The following RAB30 variants were observed in gnomAD, a reference collection of about 807,000 sequenced individuals.
RAB30 encodes RAB30, member RAS oncogene family.
RAB30 carries 9 observed loss-of-function variants against 25.1 expected under a neutral mutation model. The ratio of observed to expected loss-of-function variants is 0.36; its 90% CI spans 0.22 to 0.63. RAB30 has a LOEUF of 0.63. Among genes scored for constraint, RAB30 ranks in the 20% least tolerant of loss-of-function variants. The pLI is 0.69. For missense variants in RAB30, 140 were observed against 243.5 expected, an observed-to-expected ratio of 0.58 and a Z score of 2.83; for synonymous variants, 77 against 86.4, an observed-to-expected ratio of 0.89 and a Z score of 0.60.
rs973513022 is a variant in RAB30, at chr11:82,983,739, A to G, written c.362-1324T>C. ...AATTGAGCCACCGAGCCGGGCCAAC[A>G]GAGTAACTATTTCAAGGTGCTTAAG... On this transcript the variant is annotated intron_variant, in intron 4 of 4. Transcript: ENST00000527633. Among the ~76,000 whole-genome samples the G allele has an allele frequency of 3.3e-5, 5 of 152,048 alleles. 1 individual carries two copies. The highest frequency in any genetic ancestry group is 1.2e-4 in the African/African-American group (5 of 41,424).
intron 1 of RAB30, chr11:83,039,002 T>C (rs992150827): frequency 2.6e-5 from 4 of 152,080 alleles, no homozygotes; most frequent in African/African-American, 7.2e-5. Context: ...TTTCTAAAGG[T>C]AAAGTAACTT....
intron 1 of RAB30, among the ~76,000 whole-genome samples, chr11:83,037,268 G>T (rs1858007005): frequency 1.3e-5 from 2 of 150,486 alleles, no homozygotes; most frequent in African/African-American, 4.9e-5. Flanking sequence ...TTTTTTTTTT[G>T]AGACAAAGTC....
intron 1 of RAB30, among the ~76,000 whole-genome samples, chr11:83,001,298 C>T (rs1258321659): frequency 6.6e-6 from 1 of 152,122 alleles, no homozygotes; most frequent in Non-Finnish European, 1.5e-5. Context: ...GCCTCAGCCT[C>T]CCAAGTAGCT....
chr11:83,034,549 T>G (rs1265748578), intron 1 of RAB30: 1 of 152,114 alleles, frequency 6.6e-6, no homozygotes, highest in East Asian at 1.9e-4. Flanking sequence ...GCAGCAGATT[T>G]GAGCCAACAG....
Position 82,981,829 on chromosome 11 carries a change from G to A in RAB30, c.*336C>T. ...ACATGCACCCACTGATGTGCAGGAG[G>A]GATCCCTACAGTACATTTCCCCCCG... On this transcript the variant is annotated 3_prime_UTR_variant, in exon 5 of 5. Transcript: ENST00000527633. 1 of 252,980 alleles carries A rather than the reference G, an allele frequency of 4.0e-6. No individual in the cohort carries two copies. Among genetic ancestry groups the A allele is most frequent in the South Asian group, 6.1e-5 (1 of 16,280 alleles). 15.7% of individuals were successfully genotyped at this position (252,980 alleles called of 1,614,324 possible). A position where few individuals can be genotyped will look rare whatever the true frequency, so the allele number is the denominator to read the frequency against.
chr11:83,034,479 G>A (rs1402411384), intron 1 of RAB30: 1 of 152,202 alleles, frequency 6.6e-6, no homozygotes, highest in Non-Finnish European at 1.5e-5. Context: ...TTAGGTTAAA[G>A]GTGAGGCATA....
intron 1 of RAB30, among the ~76,000 whole-genome samples, chr11:83,020,680 A>C (rs1019710027): frequency 6.6e-6 from 1 of 152,176 alleles, no homozygotes; most frequent in African/African-American, 2.4e-5. Flanking sequence ...ATGGCCACCC[A>C]TGGACCAATT....
intron 1 of RAB30, chr11:83,035,190 C>T (rs1426369895): frequency 6.6e-6 from 1 of 151,980 alleles, no homozygotes; most frequent in African/African-American, 2.4e-5. Context: ...CCAGGTCTAC[C>T]TAATTCTAGA....
intron 1 of RAB30, among the ~76,000 whole-genome samples, chr11:83,066,471 C>T (rs1025433895): frequency 4.6e-5 from 7 of 152,078 alleles, no homozygotes; most frequent in Non-Finnish European, 7.4e-5. Context: ...AAGTTCAGCC[C>T]AAAAAGAAAC....
At chr11:83,065,917 T>TC (rs1251517925) in intron 1 of RAB30, among the ~76,000 whole-genome samples, 1 of 152,154 alleles carries the variant, frequency 6.6e-6, no homozygotes, top group Non-Finnish European at 1.5e-5. Flanking sequence ...ACGTATGAAC[T>TC]CCAGCACATA....
intron 1 of RAB30, among the ~76,000 whole-genome samples, chr11:83,043,811 C>A (rs1336857479): frequency 2.0e-5 from 3 of 152,094 alleles, no homozygotes; most frequent in African/African-American, 7.2e-5. Context: ...TCTATTTACC[C>A]CATAACACAG....
rs540180371 is a variant in RAB30, at chr11:83,030,113, C to A, written c.-8-32789G>T. Among the ~76,000 whole-genome samples the A allele has an allele frequency of 5.2e-4, 79 of 152,174 alleles. 1 individual carries two copies. Among genetic ancestry groups the A allele is most frequent in the Middle Eastern group, 6.8e-3 (2 of 294 alleles). ...GTGTACACTGTTTGGTTGACAGGTG[C>A]ACTAAAATCTCAGAATTCACCACTG... On this transcript the variant is annotated intron_variant, in intron 1 of 4. Transcript: ENST00000527633.
intron 3 of RAB30, among the ~76,000 whole-genome samples, chr11:82,991,590 T>C (rs2121451336): frequency 6.6e-6 from 1 of 152,172 alleles, no homozygotes; most frequent in South Asian, 2.1e-4. Context: ...AAAGAAGTTG[T>C]TCCTCATATG....
intron 1 of RAB30, among the ~76,000 whole-genome samples, chr11:83,003,429 T>C (rs1181708389): frequency 6.6e-6 from 1 of 152,174 alleles, no homozygotes; most frequent in African/African-American, 2.4e-5. Flanking sequence ...CTTTTTCTTT[T>C]TTCTTTTTTT....
At position 82,977,420 on chromosome 11, in the gene RAB30, C is replaced by T. The variant is rs1856564040; in HGVS notation, c.*4745G>A. On this transcript the variant is annotated 3_prime_UTR_variant, in exon 5 of 5. Transcript: ENST00000527633. ...ACATGTTATGAGAGGCAAAGTACTA[C>T]ATACAACATGGAATTTAGGTTAATA... is the stretch of plus-strand genomic sequence containing the variant. The T allele has an allele frequency of 6.6e-6, 1 of 152,194 alleles. No homozygotes were observed. The highest frequency in any genetic ancestry group is 2.4e-5 in the African/African-American group (1 of 41,438). 9.4% of individuals were successfully genotyped at this position (152,194 alleles called of 1,614,324 possible). A position where few individuals can be genotyped will look rare whatever the true frequency, so the allele number is the denominator to read the frequency against.
Position 82,980,072 on chromosome 11 carries a change from T to G in RAB30, c.*2093A>C, listed in dbSNP as rs577406197. The G allele has an allele frequency of 6.6e-6, 1 of 152,360 alleles. No individual in the cohort carries two copies. The highest frequency in any genetic ancestry group is 1.9e-4 in the East Asian group (1 of 5,190). 9.4% of individuals were successfully genotyped at this position (152,360 alleles called of 1,614,324 possible). A position where few individuals can be genotyped will look rare whatever the true frequency, so the allele number is the denominator to read the frequency against. On this transcript the variant is annotated 3_prime_UTR_variant, in exon 5 of 5. Coordinates refer to ENST00000527633, the MANE Select transcript of RAB30 (RefSeq NM_001286060.2). ...GGGGACACTGGATTTTTGCCCTAAA[T>G]GACAGGTAATAAATCTAAACTTAGG...
intron 1 of RAB30, among the ~76,000 whole-genome samples, chr11:83,044,490 T>TA (rs1308242257): frequency 1.3e-5 from 2 of 152,118 alleles, no homozygotes; most frequent in African/African-American, 2.4e-5. Flanking sequence ...ATTCTCTATA[T>TA]AAAAAACAGT....
chr11:82,982,033 C>A lies in RAB30; in HGVS notation c.*132G>T. ...TGGTCGAGGCCCTTGGCCTGCCATG[C>A]TTTGTAAGCTCAGGAGCCCACAGGA... On this transcript the variant is annotated 3_prime_UTR_variant, in exon 5 of 5. Coordinates refer to ENST00000527633, the MANE Select transcript of RAB30 (RefSeq NM_001286060.2). 1 of 1,283,424 alleles carries A rather than the reference C, an allele frequency of 7.8e-7. No homozygotes were observed. Among genetic ancestry groups the A allele is most frequent in the Non-Finnish European group, 1.1e-6 (1 of 924,164 alleles). 79.5% of individuals were successfully genotyped at this position (1,283,424 alleles called of 1,614,324 possible).
chr11:83,065,392 A>C (rs1337774951), intron 1 of RAB30, among the ~76,000 whole-genome samples: 1 of 152,104 alleles, frequency 6.6e-6, no homozygotes, highest in Non-Finnish European at 1.5e-5. Context: ...TCTGGAAAGA[A>C]AGAGAGAAAG....
Sources: allele counts gnomAD v4.1 joint callset (sites outside exome capture counted in the v4.1 genomes callset), GRCh38; gene constraint gnomAD v4.1.1; transcripts MANE v1.5; gene names NCBI Gene and HGNC (gene_info 2026-07-23, HGNC 2026-07-21).